ANXA4: variants seen among roughly 807,000 people sequenced by gnomAD.
ANXA4 encodes the protein 35-beta calcimedin.
ANXA4 carries 39 observed loss-of-function variants against 49.8 expected under a neutral mutation model. The ratio of observed to expected loss-of-function variants is 0.78; its 90% confidence interval spans 0.61 to 1.02. ANXA4 has a LOEUF of 1.02. Ranked by LOEUF, ANXA4 falls within the 50% of genes least tolerant of loss-of-function variation. ANXA4 has a pLI of 0.00. For synonymous variants in ANXA4, 134 were observed against 152.5 expected (o/e 0.88, Z 0.89); for missense variants, 360 against 410.1 (o/e 0.88, Z 1.05).
intron 2 of ANXA4, among the ~76,000 whole-genome samples, chr2:69,674,920 T>TG (rs1677341398): frequency 1.3e-5 from 2 of 151,490 alleles, no homozygotes; most frequent in Non-Finnish European, 2.9e-5. Flanking sequence ...AAACTGTTTT[T>TG]TTTTTTTTTT....
intron 2 of ANXA4, among the ~76,000 whole-genome samples, chr2:69,682,226 G>A (rs77901537): frequency 0.14 from 20,695 of 151,938 alleles, 2,048 homozygotes; most frequent in East Asian, 0.37. Context: ...TTTGATGTAG[G>A]TGTTTATTGA....
At chr2:69,652,635 G>A (rs573713252) in intron 1 of ANXA4, among the ~76,000 whole-genome samples, 1 of 152,128 alleles carries the variant, frequency 6.6e-6, no homozygotes, top group Non-Finnish European at 1.5e-5. Context: ...GAGGCAGGCA[G>A]ATCACGTGAG....
upstream of ANXA4, among the ~76,000 whole-genome samples, chr2:69,738,690 C>T (rs1449160337): frequency 6.6e-6 from 1 of 152,188 alleles, no homozygotes; most frequent in Non-Finnish European, 1.5e-5. Context: ...TCTGGAAACC[C>T]TGAGCCTCCA....
At chr2:69,790,868 A>C (rs1042732491) in intron 3 of ANXA4, among the ~76,000 whole-genome samples, 1 of 152,238 alleles carries the variant, frequency 6.6e-6, no homozygotes, top group African/African-American at 2.4e-5. Context: ...TTAATAACAG[A>C]TGTATGATAA....
upstream of ANXA4, among the ~76,000 whole-genome samples, chr2:69,741,426 C>T (rs1449776251): frequency 6.6e-6 from 1 of 152,182 alleles, no homozygotes; most frequent in Non-Finnish European, 1.5e-5. Context: ...CTGGGAGCTA[C>T]GGACAGTGTC....
At chr2:69,668,470 T>G (rs575541100) in intron 2 of ANXA4, among the ~76,000 whole-genome samples, 1 of 152,254 alleles carries the variant, frequency 6.6e-6, no homozygotes, top group South Asian at 2.1e-4. Flanking sequence ...TTAAAAAAAG[T>G]ATGAATTGTC....
At chr2:69,802,840 C>A (rs534953105) in intron 3 of ANXA4, among the ~76,000 whole-genome samples, 1 of 152,184 alleles carries the variant, frequency 6.6e-6, no homozygotes, top group South Asian at 2.1e-4. Context: ...TTCCACACCC[C>A]CTCCTAGCTG....
At chr2:69,661,735 A>T (rs569102770) in intron 2 of ANXA4, among the ~76,000 whole-genome samples, 6 of 152,292 alleles carry the variant, frequency 3.9e-5, no homozygotes, top group East Asian at 1.9e-4. Context: ...TGACAGTAGG[A>T]TTTCTCGGGG....
intron 3 of ANXA4, among the ~76,000 whole-genome samples, chr2:69,793,371 T>A (rs1672783456): frequency 6.6e-6 from 1 of 152,212 alleles, no homozygotes; most frequent in Non-Finnish European, 1.5e-5. Flanking sequence ...TTCCTAAGAC[T>A]CTTTTTATTT....
chr2:69,717,911 G>A (rs1669692528), intron 2 of ANXA4, among the ~76,000 whole-genome samples: 1 of 152,168 alleles, frequency 6.6e-6, no homozygotes, highest in South Asian at 2.1e-4. Flanking sequence ...TGTTTCAGCA[G>A]GGGTCCTCTA....
chr2:69,649,890 G>A (rs1371116550), intron 1 of ANXA4, among the ~76,000 whole-genome samples: 1 of 145,996 alleles, frequency 6.8e-6, no homozygotes, highest in Non-Finnish European at 1.5e-5. Flanking sequence ...CCAAACTGCT[G>A]GGATTAAAGG....
chr2:69,702,607 G>C (rs1044567088), intron 2 of ANXA4, among the ~76,000 whole-genome samples: 1 of 152,024 alleles, frequency 6.6e-6, no homozygotes, highest in African/African-American at 2.4e-5. Context: ...TCAGCTACTC[G>C]GGAGGCTGAG....
chr2:69,785,634 A>C lies in ANXA4; in HGVS notation c.10-2420A>C, dbSNP rs186201916. On this transcript the variant is annotated intron_variant, in intron 2 of 12. Coordinates refer to ENST00000394295, the MANE Select transcript of ANXA4 (RefSeq NM_001153.5). ...TTTTTCTGGGTTTTGTGCTAAGTGCATTCCTGTATTATCCTGTTTCTGTGA... is the reference window on the plus strand; with the variant it reads ...TTTTTCTGGGTTTTGTGCTAAGTGCCTTCCTGTATTATCCTGTTTCTGTGA... Among the ~76,000 whole-genome samples, 415 of 152,148 alleles carry C rather than the reference A, an allele frequency of 2.7e-3. 7 individuals are homozygous for C. Among genetic ancestry groups the C allele is most frequent in the Admixed American group, 5.2e-3 (79 of 15,286 alleles).
intron 1 of ANXA4, among the ~76,000 whole-genome samples, chr2:69,776,708 C>T (rs1290204679): frequency 6.6e-6 from 1 of 152,108 alleles, no homozygotes; most frequent in African/African-American, 2.4e-5. Context: ...TCTTGGACCA[C>T]ACATAAAATA....
intron 8 of ANXA4, chr2:69,814,748 G>A (rs1673889017): frequency 2.2e-5 from 1 of 45,924 alleles, no homozygotes; most frequent in Non-Finnish European, 4.0e-5. Flanking sequence ...AGAGGGGTGT[G>A]TGTGTGTGTG....
At chr2:69,723,879 T>G (rs1669887498) in intron 3 of ANXA4, among the ~76,000 whole-genome samples, 1 of 151,456 alleles carries the variant, frequency 6.6e-6, no homozygotes, top group African/African-American at 2.4e-5. Flanking sequence ...CTAAAGACAC[T>G]ACATGAGAAG....
chr2:69,688,996 G>T (rs1677878994), intron 2 of ANXA4, among the ~76,000 whole-genome samples: 2 of 152,246 alleles, frequency 1.3e-5, no homozygotes, highest in South Asian at 4.1e-4. Context: ...CTTTTTAGTA[G>T]AAAGAATTAG....
intron 2 of ANXA4, among the ~76,000 whole-genome samples, chr2:69,718,310 A>G (rs978678400): frequency 6.6e-6 from 1 of 152,144 alleles, no homozygotes; most frequent in Non-Finnish European, 1.5e-5. Flanking sequence ...TGGGAGATGG[A>G]TTGCAATATA....
chr2:69,794,064 T>C (rs141342849), intron 3 of ANXA4, among the ~76,000 whole-genome samples: 1 of 152,336 alleles, frequency 6.6e-6, no homozygotes, highest in African/African-American at 2.4e-5. Context: ...CCCAGTTTGC[T>C]CCACTTACCT....
Sources: allele counts gnomAD v4.1 joint callset (sites outside exome capture counted in the v4.1 genomes callset), GRCh38; gene constraint gnomAD v4.1.1; transcripts MANE v1.5; gene names NCBI Gene and HGNC (gene_info 2026-07-23, HGNC 2026-07-21).